KCNQ3: variants seen among roughly 807,000 people sequenced by gnomAD.
The protein encoded by KCNQ3 is potassium voltage-gated channel subfamily Q member 3, also known as potassium voltage-gated channel subfamily KQT member 3.
A neutral mutation model predicts 92.5 loss-of-function variants in KCNQ3; 30 were observed. The ratio of observed to expected loss-of-function variants is 0.32; its 90% CI spans 0.24 to 0.44. KCNQ3 has a LOEUF of 0.44. KCNQ3 is among the 20% of genes least tolerant of loss of function. The pLI is 1.00. For missense variants in KCNQ3, 913 were observed against 1,140.3 expected, an observed-to-expected ratio of 0.80 and a Z score of 2.87; for synonymous variants, 450 against 468.8, an observed-to-expected ratio of 0.96 and a Z score of 0.52.
chr8:132,191,538 T>C (rs1827160034), intron 1 of KCNQ3, among the ~76,000 whole-genome samples: 4 of 149,984 alleles, frequency 2.7e-5, no homozygotes, highest in South Asian at 2.1e-4. Flanking sequence ...ATATATATAA[T>C]ATATGGATGG....
At chr8:132,275,078 TAAGTA>T (rs1260119707) in intron 1 of KCNQ3, among the ~76,000 whole-genome samples, 1 of 152,138 alleles carries the variant, frequency 6.6e-6, no homozygotes, top group African/African-American at 2.4e-5. Context: ...CAGAGGGTTT[TAAGTA>T]AAGTCAGGAC....
intron 1 of KCNQ3, among the ~76,000 whole-genome samples, chr8:132,341,973 C>G (rs968952807): frequency 1.1e-4 from 16 of 152,212 alleles, no homozygotes; most frequent in African/African-American, 3.6e-4. Flanking sequence ...TCTTTTCAGA[C>G]TTGGAAAAGT....
intron 1 of KCNQ3, among the ~76,000 whole-genome samples, chr8:132,254,445 C>A (rs535289402): frequency 1.3e-5 from 2 of 152,320 alleles, no homozygotes; most frequent in African/African-American, 4.8e-5. Flanking sequence ...CTAACATGAT[C>A]ATGAAACTGT....
intron 1 of KCNQ3, among the ~76,000 whole-genome samples, chr8:132,391,681 T>A (rs1040264293): frequency 9.9e-5 from 15 of 152,228 alleles, no homozygotes; most frequent in Middle Eastern, 3.4e-3. Flanking sequence ...AGAGAAAACA[T>A]CTTCCCCCTC....
At chr8:132,130,322 C>T (rs1447818162) in intron 14 of KCNQ3, among the ~76,000 whole-genome samples, 1 of 152,142 alleles carries the variant, frequency 6.6e-6, no homozygotes, top group Admixed American at 6.5e-5. Context: ...CGTGATCCAC[C>T]TGCCTTGGCC....
At chr8:132,159,728 G>A (rs1662135439) in intron 9 of KCNQ3, among the ~76,000 whole-genome samples, 1 of 152,162 alleles carries the variant, frequency 6.6e-6, no homozygotes, top group Admixed American at 6.5e-5. Flanking sequence ...TTTCTTAGGG[G>A]TTCCCACCCT....
At chr8:132,285,742 C>G (rs1327531964) in intron 1 of KCNQ3, among the ~76,000 whole-genome samples, 1 of 152,154 alleles carries the variant, frequency 6.6e-6, no homozygotes, top group Admixed American at 6.5e-5. Context: ...GAGAAAGATG[C>G]CAAGGCATTT....
chr8:132,386,962 G>A (rs1207195699), intron 1 of KCNQ3, among the ~76,000 whole-genome samples: 1 of 152,120 alleles, frequency 6.6e-6, no homozygotes, highest in Non-Finnish European at 1.5e-5. Flanking sequence ...AATGTTTGTG[G>A]TGATGGATAT....
At chr8:132,300,673 A>G (rs1817185023) in intron 1 of KCNQ3, among the ~76,000 whole-genome samples, 1 of 152,184 alleles carries the variant, frequency 6.6e-6, no homozygotes, top group East Asian at 1.9e-4. Context: ...TGGGCAAGTT[A>G]GCCCCACGCA....
chr8:132,412,499 G>A (rs1820677407), intron 1 of KCNQ3, among the ~76,000 whole-genome samples: 1 of 152,196 alleles, frequency 6.6e-6, no homozygotes, highest in East Asian at 1.9e-4. Context: ...AGGGCTCTGG[G>A]TGAAATGTTT....
chr8:132,343,442 C>T (rs929666787), intron 1 of KCNQ3, among the ~76,000 whole-genome samples: 2 of 152,074 alleles, frequency 1.3e-5, no homozygotes, highest in Non-Finnish European at 1.5e-5. Context: ...GGGGAAATAC[C>T]CAAGGAAGCC....
intron 1 of KCNQ3, among the ~76,000 whole-genome samples, chr8:132,467,791 G>A (rs1822207226): frequency 1.3e-5 from 2 of 152,122 alleles, no homozygotes; most frequent in Admixed American, 6.5e-5. Context: ...ACTATACTTC[G>A]GACAGGATTG....
At chr8:132,202,308 A>G (rs772846426) in intron 1 of KCNQ3, among the ~76,000 whole-genome samples, 1 of 152,108 alleles carries the variant, frequency 6.6e-6, no homozygotes, top group Non-Finnish European at 1.5e-5. Flanking sequence ...GATGAATAGA[A>G]CTAGGCTTCC....
At chr8:132,162,070 C>G (rs1278815325) in intron 9 of KCNQ3, among the ~76,000 whole-genome samples, 1 of 152,196 alleles carries the variant, frequency 6.6e-6, no homozygotes, top group Non-Finnish European at 1.5e-5. Context: ...TCCCTCTGTG[C>G]TCTTGGCAGA....
intron 1 of KCNQ3, among the ~76,000 whole-genome samples, chr8:132,460,047 T>C (rs1260409726): frequency 3.3e-5 from 5 of 152,154 alleles, no homozygotes. Context: ...CATACTCCCA[T>C]CAATATGGGA....
chr8:132,193,683 C>T (rs758509418), intron 1 of KCNQ3, among the ~76,000 whole-genome samples: 1 of 152,158 alleles, frequency 6.6e-6, no homozygotes, highest in Non-Finnish European at 1.5e-5. Flanking sequence ...GGAATTTTTT[C>T]GTACATCATT....
chr8:132,187,832 T>TGG lies in KCNQ3; in HGVS notation c.387-1652_387-1651insCC, dbSNP rs1344918043. Among the ~76,000 whole-genome samples, 561 of 112,558 alleles carry TGG rather than the reference T, an allele frequency of 5.0e-3. 7 individuals are homozygous for TGG. The highest frequency in any genetic ancestry group is 0.023 in the African/African-American group (533 of 23,306). 73.8% of individuals were successfully genotyped at this position (112,558 alleles called of 152,430 possible). A position where few individuals can be genotyped will look rare whatever the true frequency, so the allele number is the denominator to read the frequency against. On this transcript the variant is annotated intron_variant, in intron 1 of 14. Transcript: ENST00000388996. ...ATGGTGGTGGTGGTGGTGGTGGTGA[T>TGG]TGTGGTGGTGGTGGTGGTAGTGATG...
chr8:132,226,457 G>C (rs1444144413), intron 1 of KCNQ3, among the ~76,000 whole-genome samples: 1 of 151,934 alleles, frequency 6.6e-6, no homozygotes, highest in Non-Finnish European at 1.5e-5. Context: ...GCAGGTAAAG[G>C]GATTCAAGGT....
At chr8:132,387,726 C>A (rs1337603499) in intron 1 of KCNQ3, among the ~76,000 whole-genome samples, 1 of 152,080 alleles carries the variant, frequency 6.6e-6, no homozygotes. Context: ...ATAGGCTGGG[C>A]CCAGTGGATC....
Sources: gnomAD v4.1 joint callset for allele counts (sites outside exome capture counted in the v4.1 genomes callset) on GRCh38, gnomAD v4.1.1 for gene constraint, MANE v1.5 for transcripts, NCBI Gene and HGNC (gene_info 2026-07-23, HGNC 2026-07-21) for gene names.